The following ST7 variants were observed in gnomAD, a reference collection of about 807,000 sequenced individuals.
The protein encoded by ST7 is suppressor of tumorigenicity 7 protein.
A neutral mutation model predicts 78.7 loss-of-function variants in ST7; 28 were observed. The ratio of observed to expected loss-of-function variants is 0.36; its 90% CI spans 0.26 to 0.49. ST7 has a LOEUF of 0.49. Ranked by LOEUF, ST7 falls within the 20% of genes least tolerant of loss-of-function variation. The pLI is 0.99. For synonymous variants in ST7, 247 were observed against 249.6 expected (o/e 0.99, Z 0.10); for missense variants, 418 against 696.0 (o/e 0.60, Z 4.49).
At position 117,116,773 on chromosome 7, in the gene ST7, C is replaced by G. The variant is rs79287896; in HGVS notation, c.235-2788C>G. ...CTCCCCAAGCAGCTGCATGAATAAC[C>G]CAGTCTTTACTGAGGTCTATTATTA... On this transcript the variant is annotated intron_variant, in intron 2 of 15. Coordinates refer to ENST00000323984, the MANE Select transcript of ST7 (RefSeq NM_001369598.1). Among the ~76,000 whole-genome samples the G allele has an allele frequency of 6.6e-3, 1,011 of 152,196 alleles. 13 individuals are homozygous for G. Among genetic ancestry groups the G allele is most frequent in the African/African-American group, 0.022 (909 of 41,504 alleles).
chr7:116,991,922 CAA>C (rs1195516113), intron 1 of ST7, among the ~76,000 whole-genome samples: 30 of 152,170 alleles, frequency 2.0e-4, no homozygotes, highest in African/African-American at 7.0e-4. Flanking sequence ...TTACAGGGCC[CAA>C]CCAAGTCTAA....
chr7:117,075,576 T>C (rs1799282094), intron 1 of ST7, among the ~76,000 whole-genome samples: 1 of 152,194 alleles, frequency 6.6e-6, no homozygotes, highest in African/African-American at 2.4e-5. Flanking sequence ...GTTTGTTTGC[T>C]CTCCTCCACA....
At chr7:117,115,053 A>G (rs535625448) in intron 2 of ST7, among the ~76,000 whole-genome samples, 2 of 152,260 alleles carry the variant, frequency 1.3e-5, no homozygotes, top group East Asian at 1.9e-4. Flanking sequence ...TCTTTGTTTT[A>G]AATACGATCT....
chr7:117,056,867 G>A (rs77599418), intron 1 of ST7, among the ~76,000 whole-genome samples: 4,670 of 151,930 alleles, frequency 0.031, 136 homozygotes, highest in East Asian at 0.14. Flanking sequence ...TTGATAATTG[G>A]CTTCCTCTTA....
At chr7:117,136,913 A>G (rs972524899) in intron 8 of ST7, 3 of 152,178 alleles carry the variant, frequency 2.0e-5, no homozygotes, top group African/African-American at 7.2e-5. Flanking sequence ...GAAACAAAAC[A>G]ACGAAATCAT....
chr7:117,084,258 G>A (rs932957188), intron 1 of ST7, among the ~76,000 whole-genome samples: 3 of 152,196 alleles, frequency 2.0e-5, no homozygotes, highest in Non-Finnish European at 4.4e-5. Flanking sequence ...GATGACTCAG[G>A]TGGCAGTGTA....
intron 1 of ST7, among the ~76,000 whole-genome samples, chr7:116,987,665 C>T (rs1484117427): frequency 6.6e-6 from 1 of 152,208 alleles, no homozygotes; most frequent in Non-Finnish European, 1.5e-5. Context: ...TCAGGGGCTT[C>T]TCTTGTTCAC....
At chr7:117,183,441 A>T (rs754012070) in intron 10 of ST7, among the ~76,000 whole-genome samples, 5 of 151,804 alleles carry the variant, frequency 3.3e-5, no homozygotes, top group Non-Finnish European at 5.9e-5. Context: ...AAAAAATTAT[A>T]TATATATAAT....
At chr7:116,967,981 G>A (rs1373919375) in intron 1 of ST7, among the ~76,000 whole-genome samples, 1 of 152,092 alleles carries the variant, frequency 6.6e-6, no homozygotes, top group Admixed American at 6.5e-5. Context: ...GCAGCATGAG[G>A]AGCTCCACTC....
At chr7:117,097,898 ATATATATATATT>A (rs1212650021) in intron 1 of ST7, among the ~76,000 whole-genome samples, 4 of 25,916 alleles carry the variant, frequency 1.5e-4, no homozygotes, top group Middle Eastern at 0.015. Flanking sequence ...ATATATATAT[ATATATATATATT>A]TTTTTTTTTT....
At chr7:117,145,272 C>G (rs1805672567) in intron 9 of ST7, 3 of 152,094 alleles carry the variant, frequency 2.0e-5, no homozygotes, top group African/African-American at 7.2e-5. Flanking sequence ...CTTCATCCAC[C>G]TAGAATTTTA....
intron 1 of ST7, among the ~76,000 whole-genome samples, chr7:116,965,113 G>A (rs1793036043): frequency 6.6e-6 from 1 of 152,164 alleles, no homozygotes; most frequent in Admixed American, 6.5e-5. Context: ...GCCGAGGCGG[G>A]CAGATCATGA....
rs559203178 is a variant in ST7, at chr7:117,066,547, GTCAGGAGT to G, written c.152-33212_152-33205del. Reference sequence around the variant, plus strand: ...GAGGCTGAGGCAGGTGGATCACGAGGTCAGGAGTTCGAGACCAGCCTGGCCAATATGGT... The same window carrying G: ...GAGGCTGAGGCAGGTGGATCACGAGGTCGAGACCAGCCTGGCCAATATGGT... On this transcript the variant is annotated intron_variant, in intron 1 of 15. Transcript: ENST00000323984. 2.1e-3 allele frequency among the ~76,000 whole-genome samples: 325 copies of G among 152,092 alleles called. 2 individuals are homozygous for G. Among genetic ancestry groups the G allele is most frequent in the Non-Finnish European group, 2.3e-3 (156 of 67,970 alleles).
chr7:117,189,701 C>T (rs985474253), intron 11 of ST7, among the ~76,000 whole-genome samples: 2 of 152,152 alleles, frequency 1.3e-5, no homozygotes, highest in Non-Finnish European at 2.9e-5. Context: ...AGAATACCAT[C>T]CTTCTATTTG....
chr7:117,135,945 A>G, intron 7 of ST7, 136 bp from the exon 8 acceptor site: 3 of 844,000 alleles, frequency 3.6e-6, no homozygotes, highest in Non-Finnish European at 5.6e-6. Context: ...GTCAGCAACT[A>G]CAAACAGGAG....
Position 117,141,024 on chromosome 7 carries a change from A to T in ST7, c.963+2492A>T, listed in dbSNP as rs534562043. Among the ~76,000 whole-genome samples, 89 of 152,304 alleles carry T rather than the reference A, an allele frequency of 5.8e-4. 1 individual carries two copies. The highest frequency in any genetic ancestry group is 2.1e-3 in the African/African-American group (86 of 41,574). On this transcript the variant is annotated intron_variant, in intron 9 of 15. Coordinates refer to ENST00000323984, the MANE Select transcript of ST7 (RefSeq NM_001369598.1). ...TAATTTGTTTGGCTCCTCTCCGGTC[A>T]TGGGTCAAGATAACTGCGACTTCCC...
intron 10 of ST7, among the ~76,000 whole-genome samples, chr7:117,174,618 C>T (rs954071968): frequency 1.3e-5 from 2 of 152,150 alleles, no homozygotes; most frequent in Admixed American, 1.3e-4. Flanking sequence ...AACCACCACA[C>T]TTACACTCTT....
At chr7:117,051,155 T>G (rs374276362) in intron 1 of ST7, among the ~76,000 whole-genome samples, 20 of 152,376 alleles carry the variant, frequency 1.3e-4, no homozygotes, top group South Asian at 8.3e-4. Flanking sequence ...AAACTTACTG[T>G]GTTTAACTGC....
At chr7:117,079,761 A>C (rs1799615703) in intron 1 of ST7, among the ~76,000 whole-genome samples, 1 of 152,122 alleles carries the variant, frequency 6.6e-6, no homozygotes, top group African/African-American at 2.4e-5. Flanking sequence ...AAAAGTGTGT[A>C]AAATAAAAGT....
Sources: gnomAD v4.1 joint callset for allele counts (sites outside exome capture counted in the v4.1 genomes callset) on GRCh38, gnomAD v4.1.1 for gene constraint, MANE v1.5 for transcripts, NCBI Gene and HGNC (gene_info 2026-07-23, HGNC 2026-07-21) for gene names.